MAP2K1: variants seen among roughly 807,000 people sequenced by gnomAD.
MAP2K1 encodes the protein mitogen-activated protein kinase kinase 1.
In MAP2K1, 16 loss-of-function variants were observed where a neutral mutation model predicts 46.3. The observed-to-expected ratio is 0.35, with a 90% CI of 0.23 to 0.52. The LOEUF is 0.52. Ranked by LOEUF, MAP2K1 falls within the 20% of genes least tolerant of loss-of-function variation. The pLI, the probability that MAP2K1 is intolerant of heterozygous loss-of-function variation, is 0.94. For missense variants in MAP2K1, 263 were observed against 497.1 expected, an observed-to-expected ratio of 0.53 and a Z score of 4.48; for synonymous variants, 183 against 185.6, an observed-to-expected ratio of 0.99 and a Z score of 0.11.
In MAP2K1 at chr15:66,408,678, G is replaced by T. The variant is rs1040292101; in HGVS notation, c.80+21251G>T. Among the ~76,000 whole-genome samples, 3 of 152,052 alleles carry T rather than the reference G, an allele frequency of 2.0e-5. 1 individual carries two copies. Among genetic ancestry groups the T allele is most frequent in the Non-Finnish European group, 1.5e-5 (1 of 68,002 alleles). ...AATCCTGATCCCTGTGGGGATCAGC[G>T]CATGGTTCATCCAGACATCTTCCTC... is the stretch of plus-strand genomic sequence containing the variant. On this transcript the variant is annotated intron_variant, in intron 1 of 10. Coordinates refer to ENST00000307102, the MANE Select transcript of MAP2K1 (RefSeq NM_002755.4).
chr15:66,444,509 G>C (rs760668218), intron 4 of MAP2K1, 147 bp from the exon 5 acceptor site: 4 of 684,458 alleles, frequency 5.8e-6, no homozygotes, highest in African/African-American at 5.3e-5. Flanking sequence ...TTCCAGCCTG[G>C]GCAACAAGAG....
chr15:66,389,066 C>G (rs1267138456), intron 1 of MAP2K1, among the ~76,000 whole-genome samples: 1 of 151,838 alleles, frequency 6.6e-6, no homozygotes, highest in East Asian at 1.9e-4. Context: ...GCCACCATGC[C>G]CGGCTAATTT....
intron 1 of MAP2K1, among the ~76,000 whole-genome samples, chr15:66,392,661 C>A (rs915464933): frequency 6.7e-6 from 1 of 149,656 alleles, no homozygotes; most frequent in Non-Finnish European, 1.5e-5. Flanking sequence ...TCAAGCTATT[C>A]TCCTGCCTCA....
At chr15:66,465,336 CTA>C (rs1191648029) in intron 5 of MAP2K1, among the ~76,000 whole-genome samples, 3 of 152,118 alleles carry the variant, frequency 2.0e-5, no homozygotes, top group Non-Finnish European at 4.4e-5. Context: ...GCTCACAACT[CTA>C]AGGGGGTCCA....
chr15:66,460,922 G>A (rs1205816315), intron 5 of MAP2K1, among the ~76,000 whole-genome samples: 1 of 152,110 alleles, frequency 6.6e-6, no homozygotes, highest in Non-Finnish European at 1.5e-5. Context: ...GTTGTGGTGG[G>A]AAGGAGCCTG....
chr15:66,416,771 G>C (rs1332174156), intron 1 of MAP2K1, among the ~76,000 whole-genome samples: 2 of 152,180 alleles, frequency 1.3e-5, no homozygotes, highest in African/African-American at 4.8e-5. Flanking sequence ...GACTTGGAAG[G>C]TTTGGGGTGG....
chr15:66,414,565 A>G (rs564428853), intron 1 of MAP2K1, among the ~76,000 whole-genome samples: 1 of 152,172 alleles, frequency 6.6e-6, no homozygotes, highest in East Asian at 1.9e-4. Context: ...TGCACAGAGT[A>G]TTATTAACCA....
At chr15:66,391,375 G>A (rs1244807845) in intron 1 of MAP2K1, among the ~76,000 whole-genome samples, 2 of 152,128 alleles carry the variant, frequency 1.3e-5, no homozygotes, top group Admixed American at 6.6e-5. Flanking sequence ...TGCAAGCTCC[G>A]CCTCCCAGGT....
intron 5 of MAP2K1, among the ~76,000 whole-genome samples, chr15:66,468,785 G>T (rs1892533761): frequency 6.6e-6 from 1 of 151,322 alleles, no homozygotes. Context: ...ACAAAAATTA[G>T]CTGGACGTGG....
chr15:66,463,992 A>G (rs1892397387), intron 5 of MAP2K1, among the ~76,000 whole-genome samples: 1 of 152,184 alleles, frequency 6.6e-6, no homozygotes, highest in Non-Finnish European at 1.5e-5. Context: ...TATCTCAGTG[A>G]CTTTGAATAG....
chr15:66,435,942 T>G (rs1402451677), intron 2 of MAP2K1, among the ~76,000 whole-genome samples: 2 of 152,222 alleles, frequency 1.3e-5, no homozygotes, highest in Non-Finnish European at 2.9e-5. Flanking sequence ...TATCATAGCA[T>G]GTACTTGTAG....
intron 7 of MAP2K1, 107 bp downstream of exon 7, chr15:66,485,298 C>A: frequency 8.9e-7 from 1 of 1,121,580 alleles, no homozygotes; most frequent in Non-Finnish European, 1.3e-6. Flanking sequence ...AAGACTGATT[C>A]TCTGTCCCTG....
rs1386163383 is a variant in MAP2K1, at chr15:66,449,022, A to AC, written c.568+4315_568+4316insC. Among the ~76,000 whole-genome samples the AC allele has an allele frequency of 6.0e-5, 9 of 150,978 alleles. No homozygotes were observed. The East Asian group carries it at 9.7e-4, about 16-fold the overall frequency. On this transcript the variant is annotated intron_variant, in intron 5 of 10. Coordinates refer to ENST00000307102, the MANE Select transcript of MAP2K1 (RefSeq NM_002755.4). ...CTGTCTCAAAAAAAAAAAAAAAAAAAAAAAAACAACAACAACCAAAAACAT... is the reference window on the plus strand; with the variant it reads ...CTGTCTCAAAAAAAAAAAAAAAAAAACAAAAAACAACAACAACCAAAAACAT...
At chr15:66,422,639 C>T (rs2093446363) in intron 1 of MAP2K1, among the ~76,000 whole-genome samples, 1 of 152,080 alleles carries the variant, frequency 6.6e-6, no homozygotes, top group Non-Finnish European at 1.5e-5. Context: ...AGATAAATGA[C>T]TTTAAGGTTG....
At chr15:66,445,852 G>A (rs191499042) in intron 5 of MAP2K1, among the ~76,000 whole-genome samples, 1 of 152,034 alleles carries the variant, frequency 6.6e-6, no homozygotes, top group Admixed American at 6.6e-5. Flanking sequence ...ACTTTTTGGG[G>A]TGACACAAAT....
chr15:66,483,595 C>T (rs1466169587), intron 6 of MAP2K1, among the ~76,000 whole-genome samples: 1 of 152,072 alleles, frequency 6.6e-6, no homozygotes, highest in African/African-American at 2.4e-5. Flanking sequence ...AAGATTTTTT[C>T]GGTAGGGTTC....
intron 1 of MAP2K1, among the ~76,000 whole-genome samples, chr15:66,393,446 G>C (rs972656724): frequency 4.6e-5 from 7 of 152,116 alleles, no homozygotes; most frequent in African/African-American, 1.7e-4. Flanking sequence ...AAAGTGCTGG[G>C]ATTACAGGTG....
At chr15:66,412,379 G>A (rs118019893) in intron 1 of MAP2K1, among the ~76,000 whole-genome samples, 2 of 152,252 alleles carry the variant, frequency 1.3e-5, no homozygotes, top group East Asian at 1.9e-4. Context: ...ATCTAAAAAC[G>A]AAGTCTTTAG....
At chr15:66,404,335 G>C (rs1328496223) in intron 1 of MAP2K1, among the ~76,000 whole-genome samples, 1 of 152,168 alleles carries the variant, frequency 6.6e-6, no homozygotes, top group Non-Finnish European at 1.5e-5. Context: ...CTGGGTAACA[G>C]AGTGAGTGAG....
Sources: gnomAD v4.1 joint callset for allele counts (sites outside exome capture counted in the v4.1 genomes callset) on GRCh38, gnomAD v4.1.1 for gene constraint, MANE v1.5 for transcripts, NCBI Gene and HGNC (gene_info 2026-07-23, HGNC 2026-07-21) for gene names.